RBFOX1: variants seen among roughly 807,000 people sequenced by gnomAD.
The protein encoded by RBFOX1 is RNA binding fox-1 homolog 1, also known as RNA binding protein fox-1 homolog 1.
In RBFOX1, 8 loss-of-function variants were observed where a neutral mutation model predicts 57.7. The ratio of observed to expected loss-of-function variants is 0.14; its 90% confidence interval spans 0.08 to 0.25. The LOEUF (loss-of-function observed/expected upper bound fraction) is 0.25. Ranked by LOEUF, RBFOX1 falls within the 10% of genes least tolerant of loss-of-function variation. The pLI is 1.00. For missense variants in RBFOX1, 611 were observed against 548.5 expected (o/e 1.11, Z -1.14); for synonymous variants, 326 against 222.4 (o/e 1.47, Z -4.15).
At chr16:7,595,806 C>CT (rs906544752) in intron 8 of RBFOX1, among the ~76,000 whole-genome samples, 165 bp downstream of exon 8, 4 of 148,030 alleles carry the variant, frequency 2.7e-5, no homozygotes, top group African/African-American at 9.8e-5. Context: ...ACTGGCCTTA[C>CT]TTTTTTTTTT....
intron 3 of RBFOX1, among the ~76,000 whole-genome samples, chr16:6,936,649 A>G (rs377462960): frequency 1.3e-5 from 2 of 152,218 alleles, no homozygotes; most frequent in East Asian, 1.9e-4. Context: ...AATTATGACT[A>G]TGACCGCTAT....
At chr16:6,916,366 C>G (rs1346778167) in intron 3 of RBFOX1, among the ~76,000 whole-genome samples, 1 of 152,060 alleles carries the variant, frequency 6.6e-6, no homozygotes, top group Non-Finnish European at 1.5e-5. Context: ...CTGCTTTGGA[C>G]CTCTGTGCAT....
intron 2 of RBFOX1, among the ~76,000 whole-genome samples, chr16:6,619,591 C>T (rs8064002): frequency 0.13 from 19,831 of 151,666 alleles, 1,739 homozygotes; most frequent in Non-Finnish European, 0.2. Context: ...GAAACCTATG[C>T]GTCTAAGGGT....
intron 3 of RBFOX1, among the ~76,000 whole-genome samples, chr16:6,989,721 C>G (rs2091081225): frequency 6.6e-6 from 1 of 152,094 alleles, no homozygotes; most frequent in East Asian, 1.9e-4. Context: ...TAAAAGGGGT[C>G]AGGTGCTGTG....
intron 14 of RBFOX1, among the ~76,000 whole-genome samples, chr16:7,704,496 G>T (rs887590043): frequency 1.3e-5 from 2 of 152,094 alleles, no homozygotes; most frequent in Non-Finnish European, 2.9e-5. Flanking sequence ...TATCTGAATG[G>T]GATCATAATT....
At chr16:7,377,182 G>C (rs545082918) in intron 4 of RBFOX1, among the ~76,000 whole-genome samples, 21 of 152,244 alleles carry the variant, frequency 1.4e-4, no homozygotes, top group African/African-American at 5.1e-4. Context: ...ACCAGTTTAA[G>C]GCATTCTTGA....
At chr16:7,253,898 C>G (rs1272592403) in intron 4 of RBFOX1, among the ~76,000 whole-genome samples, 1 of 152,116 alleles carries the variant, frequency 6.6e-6, no homozygotes, top group Non-Finnish European at 1.5e-5. Flanking sequence ...CGTTCATTAC[C>G]TGAATCTGAA....
At chr16:6,395,935 G>A (rs9934285) in intron 2 of RBFOX1, among the ~76,000 whole-genome samples, 16,190 of 151,394 alleles carry the variant, frequency 0.11, 1,899 homozygotes, top group African/African-American at 0.29. Context: ...TCATGGTGGC[G>A]TGCACCTGTA....
chr16:6,827,638 C>T (rs111800342), intron 3 of RBFOX1, among the ~76,000 whole-genome samples: 2,601 of 152,300 alleles, frequency 0.017, 29 homozygotes, highest in Non-Finnish European at 0.027. Context: ...GCTCAGCAGT[C>T]ACCTCCTTCC....
At chr16:6,748,398 C>T (rs2074230592) in intron 3 of RBFOX1, among the ~76,000 whole-genome samples, 1 of 152,140 alleles carries the variant, frequency 6.6e-6, no homozygotes, top group African/African-American at 2.4e-5. Context: ...CTGTGGCTCA[C>T]ACCTATAATC....
chr16:7,142,610 C>T (rs760946437), intron 4 of RBFOX1, among the ~76,000 whole-genome samples: 1 of 152,144 alleles, frequency 6.6e-6, no homozygotes, highest in African/African-American at 2.4e-5. Flanking sequence ...CCCTTATCTA[C>T]TCATCTTCTG....
chr16:7,135,210 A>G (rs1253656110), intron 4 of RBFOX1, among the ~76,000 whole-genome samples: 1 of 152,112 alleles, frequency 6.6e-6, no homozygotes, highest in Admixed American at 6.6e-5. Context: ...AACCTGACCA[A>G]TTAAGTTTCA....
At chr16:6,142,857 A>C (rs1329020918) in intron 1 of RBFOX1, among the ~76,000 whole-genome samples, 1 of 151,904 alleles carries the variant, frequency 6.6e-6, no homozygotes, top group Non-Finnish European at 1.5e-5. Flanking sequence ...TCAAGACTCA[A>C]CTCATTCTTC....
At chr16:5,954,221 G>A (rs539745713) in intron 4 of RBFOX1, among the ~76,000 whole-genome samples, 11 of 152,252 alleles carry the variant, frequency 7.2e-5, no homozygotes, top group South Asian at 6.2e-4. Flanking sequence ...CAGGCTGGCC[G>A]TGGTCTCATG....
At chr16:7,379,399 A>T (rs1443622869) in intron 4 of RBFOX1, among the ~76,000 whole-genome samples, 1 of 152,248 alleles carries the variant, frequency 6.6e-6, no homozygotes, top group African/African-American at 2.4e-5. Flanking sequence ...ATAAGAAAAT[A>T]GAACACTTGT....
intron 4 of RBFOX1, among the ~76,000 whole-genome samples, chr16:7,370,272 T>C (rs546785498): frequency 3.0e-4 from 45 of 152,324 alleles, no homozygotes; most frequent in Admixed American, 2.9e-3. Context: ...AGTTATTTTC[T>C]TGGTACCCAT....
intron 3 of RBFOX1, among the ~76,000 whole-genome samples, chr16:5,689,283 G>C (rs2050596731): frequency 6.6e-6 from 1 of 152,176 alleles, no homozygotes; most frequent in South Asian, 2.1e-4. Context: ...GTTACCTGCT[G>C]GTAATGTGGG....
chr16:7,399,424 G>T (rs1344470173), intron 4 of RBFOX1, among the ~76,000 whole-genome samples: 1 of 152,102 alleles, frequency 6.6e-6, no homozygotes, highest in Admixed American at 6.6e-5. Context: ...TCCAGCCTGG[G>T]TAACAAGAGC....
chr16:5,687,799 C>T (rs2050550415), intron 3 of RBFOX1, among the ~76,000 whole-genome samples: 2 of 152,128 alleles, frequency 1.3e-5, no homozygotes, highest in Non-Finnish European at 2.9e-5. Flanking sequence ...GTCTGAAGTA[C>T]CGGGTATGTA....
Sources: gnomAD v4.1 joint callset for allele counts (sites outside exome capture counted in the v4.1 genomes callset) on GRCh38, gnomAD v4.1.1 for gene constraint, MANE v1.5 for transcripts, NCBI Gene and HGNC (gene_info 2026-07-23, HGNC 2026-07-21) for gene names.